The following WDFY1 variants were observed in gnomAD, a reference collection of about 807,000 sequenced individuals.
The protein encoded by WDFY1 is WD repeat and FYVE domain-containing protein 1.
Under a neutral mutation model 56.4 loss-of-function variants are expected in WDFY1, and 32 were observed. The ratio of observed to expected loss-of-function variants is 0.57; its 90% CI spans 0.43 to 0.76. The LOEUF (loss-of-function observed/expected upper bound fraction) is 0.76, where lower values mean the gene tolerates loss of function less well. Ranked by LOEUF, WDFY1 falls within the 30% of genes least tolerant of loss-of-function variation. WDFY1 has a pLI of 0.00. For missense variants in WDFY1, 480 were observed against 545.7 expected, an observed-to-expected ratio of 0.88 and a Z score of 1.20; for synonymous variants, 192 against 197.3, an observed-to-expected ratio of 0.97 and a Z score of 0.23.
intron 1 of WDFY1, among the ~76,000 whole-genome samples, chr2:223,918,813 G>A (rs901426525): frequency 1.3e-5 from 2 of 152,218 alleles, no homozygotes; most frequent in South Asian, 2.1e-4. Flanking sequence ...GGAGAGGGGC[G>A]CCACGCACAC....
intron 1 of WDFY1, among the ~76,000 whole-genome samples, chr2:223,943,603 C>G (rs1290584335): frequency 6.6e-6 from 1 of 152,148 alleles, no homozygotes; most frequent in Non-Finnish European, 1.5e-5. Context: ...GTGGACTATC[C>G]CTATTTAAGA....
intron 1 of WDFY1, among the ~76,000 whole-genome samples, chr2:223,926,647 TGTGCGTGTGTGTGTGTGTGTGTG>T (rs1559173959): frequency 3.6e-5 from 2 of 55,222 alleles, no homozygotes; most frequent in Admixed American, 1.6e-4. Flanking sequence ...TATACAAATA[TGTGCGTGTGTGTGTGTGTGTGTG>T]TGTATGTGTA....
intron 1 of WDFY1, among the ~76,000 whole-genome samples, chr2:223,926,787 C>T (rs1693990588): frequency 6.6e-6 from 1 of 152,132 alleles, no homozygotes; most frequent in South Asian, 2.1e-4. Context: ...CATGCTTCAG[C>T]CTCCTGAGCA....
rs1433510596 is a variant in WDFY1, at chr2:223,875,553, G to C, written c.*3118C>G. On this transcript the variant is annotated 3_prime_UTR_variant, in exon 12 of 12. Transcript: ENST00000233055. Reference sequence around the variant, plus strand: ...TTCCCCAGTCAAAAAAGGCTATAGAGAAAAACACTTTAAATTGTACTCTAA... The same window carrying C: ...TTCCCCAGTCAAAAAAGGCTATAGACAAAAACACTTTAAATTGTACTCTAA... The C allele has an allele frequency of 6.6e-6, 1 of 152,206 alleles. No homozygotes were observed. Among genetic ancestry groups the C allele is most frequent in the East Asian group, 1.9e-4 (1 of 5,182 alleles). The allele number at this position is 152,206 out of a possible 1,614,324, so 9.4% of individuals were successfully genotyped here.
intron 5 of WDFY1, among the ~76,000 whole-genome samples, chr2:223,899,797 T>C (rs1693473027): frequency 6.6e-6 from 1 of 152,022 alleles, no homozygotes; most frequent in African/African-American, 2.4e-5. Flanking sequence ...TGCTAACTAC[T>C]GAAAACAGCA....
rs1262292394 is a variant in WDFY1 at position 223,901,215 on chromosome 2, C to T, written c.453G>A (p.Arg151=). 9 of 1,613,888 alleles carry T rather than the reference C, an allele frequency of 5.6e-6. No individual in the cohort carries two copies. The Admixed American group carries it at 1.0e-4, about 18-fold the overall frequency. Residue 151 remains arginine, a synonymous_variant, in exon 5 of 12, where the codon AGG becomes AGA. Transcript: ENST00000233055. ...ACGAAGCCCAGGACGTGAAGAAGTG[C>T]CTCCCGAGCATGTTCCCGCTCCGCG... ...MCTRSGNMLG[R]HFFTSWASCL...
intron 1 of WDFY1, among the ~76,000 whole-genome samples, chr2:223,930,507 T>C (rs1297270114): frequency 6.6e-6 from 1 of 152,256 alleles, no homozygotes; most frequent in Non-Finnish European, 1.5e-5. Flanking sequence ...GTTTGTGTAT[T>C]TTTAGTAGAG....
intron 7 of WDFY1, 131 bp downstream of exon 7, chr2:223,895,373 C>CTG: frequency 7.3e-7 from 1 of 1,368,202 alleles, no homozygotes; most frequent in Middle Eastern, 2.6e-4. Context: ...TAAAAGTGAA[C>CTG]TGAGCCCTAT....
chr2:223,945,228 C>A lies in WDFY1; in HGVS notation c.57G>T (p.Lys19Asn), dbSNP rs553171658. The A allele has an allele frequency of 2.5e-6, 4 of 1,597,598 alleles. No homozygotes were observed. Among genetic ancestry groups the A allele is most frequent in the Non-Finnish European group, 3.4e-6 (4 of 1,175,196 alleles). Residue 19 changes from lysine (K) to asparagine (N), a missense_variant, in exon 1 of 12, where the codon AAG becomes AAT. Coordinates refer to ENST00000233055, the MANE Select transcript of WDFY1 (RefSeq NM_020830.5). ...TGACGGCGTCCTGGTGCCCCTCGAT[C>A]TTGCTCAGCAGCACCGGGCGGCTGC... ...PQSSRPVLLS[K>N]IEGHQDAVTA...
intron 1 of WDFY1, among the ~76,000 whole-genome samples, chr2:223,938,780 G>A (rs1689244964): frequency 2.0e-5 from 3 of 151,910 alleles, no homozygotes. Flanking sequence ...AGTGAACTAG[G>A]TGGCTATCTG....
At chr2:223,938,822 G>T (rs1403811364) in intron 1 of WDFY1, among the ~76,000 whole-genome samples, 3 of 149,100 alleles carry the variant, frequency 2.0e-5, no homozygotes, top group South Asian at 2.1e-4. Flanking sequence ...ATCCCAGAAG[G>T]TGACAAAAAA....
In WDFY1 at chr2:223,880,304, C is replaced by G. The variant is rs186659484; in HGVS notation, c.1065-72G>C. 1.4e-6 allele frequency: 2 copies of G among 1,417,572 alleles called. 1 individual carries two copies. Among genetic ancestry groups the G allele is most frequent in the Non-Finnish European group, 2.0e-6 (2 of 1,009,112 alleles). 87.8% of individuals were successfully genotyped at this position (1,417,572 alleles called of 1,614,324 possible). A position where few individuals can be genotyped will look rare whatever the true frequency, so the allele number is the denominator to read the frequency against. On this transcript the variant is annotated intron_variant, in intron 10 of 11. Coordinates refer to ENST00000233055, the MANE Select transcript of WDFY1 (RefSeq NM_020830.5). ...GAGCTAGTGGGGTAAGCTTTTTTAG[C>G]AACATAAAATAAGCAAATATGGCCA...
intron 1 of WDFY1, among the ~76,000 whole-genome samples, chr2:223,926,644 A>ATATG (rs1364066444): frequency 8.4e-6 from 1 of 119,280 alleles, no homozygotes; most frequent in Non-Finnish European, 1.8e-5. Flanking sequence ...ATATATACAA[A>ATATG]TATGTGCGTG....
At chr2:223,926,804 CTTACAGAT>C (rs1469477865) in intron 1 of WDFY1, among the ~76,000 whole-genome samples, 1 of 152,088 alleles carries the variant, frequency 6.6e-6, no homozygotes, top group Non-Finnish European at 1.5e-5. Flanking sequence ...AGCAGCTGGA[CTTACAGAT>C]GTGCAAAACT....
chr2:223,879,669 AAG>A lies in WDFY1; in HGVS notation c.1173+453_1173+454del, dbSNP rs1491233519. ...AGCAAGACCCATCTCAAAAAAAAAA[AAG>A]AGTGGTACTAAGTATAAAACACTTC... is the stretch of plus-strand genomic sequence containing the variant. On this transcript the variant is annotated intron_variant, in intron 11 of 11. Transcript: ENST00000233055. Among the ~76,000 whole-genome samples, 124 of 152,270 alleles carry A rather than the reference AAG, an allele frequency of 8.1e-4. 1 individual carries two copies. In the Middle Eastern group the frequency reaches 0.024, roughly 29 times the overall value.
intron 7 of WDFY1, among the ~76,000 whole-genome samples, chr2:223,895,186 A>G (rs1014939712): frequency 6.6e-6 from 1 of 152,168 alleles, no homozygotes; most frequent in African/African-American, 2.4e-5. Context: ...CTGCATCTCT[A>G]TCCTATGCCT....
chr2:223,940,447 C>T (rs1230144049), intron 1 of WDFY1, among the ~76,000 whole-genome samples: 1 of 152,096 alleles, frequency 6.6e-6, no homozygotes, highest in African/African-American at 2.4e-5. Context: ...ACTGTACCTA[C>T]CTTATAGGGA....
At chr2:223,938,600 C>T (rs1386255361) in intron 1 of WDFY1, among the ~76,000 whole-genome samples, 4 of 152,142 alleles carry the variant, frequency 2.6e-5, no homozygotes, top group East Asian at 1.9e-4. Flanking sequence ...TAACCATTCA[C>T]GAGACATTAA....
intron 3 of WDFY1, among the ~76,000 whole-genome samples, chr2:223,911,509 CAAAGATAG>C (rs1693699424): frequency 6.6e-6 from 1 of 151,520 alleles, no homozygotes; most frequent in African/African-American, 2.4e-5. Context: ...GGTCCTTTGC[CAAAGATAG>C]TTTGAGAAGT....
Sources: gnomAD v4.1 joint callset for allele counts (sites outside exome capture counted in the v4.1 genomes callset) on GRCh38, gnomAD v4.1.1 for gene constraint, MANE v1.5 for transcripts, NCBI Gene and HGNC (gene_info 2026-07-23, HGNC 2026-07-21) for gene names.